The following ACACA variants were observed in gnomAD, a reference collection of about 807,000 sequenced individuals.
ACACA encodes acetyl-CoA carboxylase alpha, also known as acetyl-CoA carboxylase 1.
In ACACA, 103 loss-of-function variants were observed where a neutral mutation model predicts 296.1. The observed-to-expected ratio is 0.35, with a 90% CI of 0.30 to 0.41. The LOEUF (loss-of-function observed/expected upper bound fraction) is 0.41. Ranked by LOEUF, ACACA falls within the 10% of genes least tolerant of loss-of-function variation. The pLI is 1.00. For synonymous variants in ACACA, 953 were observed against 1,038.6 expected (o/e 0.92, Z 1.58); for missense variants, 1,554 against 2,989.7 (o/e 0.52, Z 11.20).
In ACACA at chr17:37,206,890, C is replaced by A; in HGVS notation, c.3852-11G>T. 2.5e-6 allele frequency: 4 copies of A among 1,602,156 alleles called. No individual in the cohort carries two copies. The highest frequency in any genetic ancestry group is 3.4e-6 in the Non-Finnish European group (4 of 1,169,224). On this transcript the variant is annotated splice_polypyrimidine_tract_variant and intron_variant, in intron 31 of 55. Transcript: ENST00000616317. Reference sequence around the variant, plus strand: ...ACTTCATCAAAGATCCTAAAAAATACAAGAGAAACACCCACCATGAAAACT... The same window carrying A: ...ACTTCATCAAAGATCCTAAAAAATAAAAGAGAAACACCCACCATGAAAACT...
intron 33 of ACACA, among the ~76,000 whole-genome samples, chr17:37,200,799 T>C (rs966869762): frequency 6.6e-6 from 1 of 152,214 alleles, no homozygotes; most frequent in African/African-American, 2.4e-5. Context: ...AATTTCTGCT[T>C]ATAGAAATCA....
intron 1 of ACACA, among the ~76,000 whole-genome samples, chr17:37,359,400 G>C (rs570700629): frequency 9.9e-4 from 150 of 151,970 alleles, no homozygotes; most frequent in African/African-American, 3.1e-3. Flanking sequence ...GGGCCCAGCG[G>C]CTAGAGGGCG....
chr17:37,369,956 T>G (rs1023522356), intron 1 of ACACA, among the ~76,000 whole-genome samples: 3 of 151,598 alleles, frequency 2.0e-5, no homozygotes, highest in African/African-American at 7.3e-5. Flanking sequence ...TCTGCCCTCC[T>G]TGGCCTCCCA....
chr17:37,181,692 G>T (rs1598091133), intron 39 of ACACA, among the ~76,000 whole-genome samples: 1 of 151,968 alleles, frequency 6.6e-6, no homozygotes, highest in Non-Finnish European at 1.5e-5. Context: ...GAGGTCAGGA[G>T]ATCGAGACCA....
chr17:37,134,811 GT>G (rs1177292309), intron 45 of ACACA, among the ~76,000 whole-genome samples: 4 of 152,114 alleles, frequency 2.6e-5, no homozygotes, highest in Admixed American at 2.6e-4. Context: ...TTGAGGAGGG[GT>G]TTTGTAAATT....
chr17:37,146,842 C>G (rs1192910580), intron 45 of ACACA, among the ~76,000 whole-genome samples: 3 of 140,558 alleles, frequency 2.1e-5, no homozygotes, highest in African/African-American at 7.9e-5. Context: ...CCCCCAAAAC[C>G]CCCCAACCCC....
At chr17:37,246,164 C>G (rs1321856245) in intron 19 of ACACA, among the ~76,000 whole-genome samples, 1 of 152,174 alleles carries the variant, frequency 6.6e-6, no homozygotes, top group Admixed American at 6.5e-5. Flanking sequence ...TTAGGTGACC[C>G]TCTGCACTCT....
chr17:37,388,931 T>A (rs192034327), intron 1 of ACACA: 2 of 1,200,538 alleles, frequency 1.7e-6, no homozygotes, highest in Non-Finnish European at 2.3e-6. Context: ...ACTAGCTGAG[T>A]GGTGTTGGGA....
chr17:37,110,260 G>A (rs1205528963), intron 52 of ACACA, among the ~76,000 whole-genome samples: 1 of 152,242 alleles, frequency 6.6e-6, no homozygotes, highest in Non-Finnish European at 1.5e-5. Flanking sequence ...AGTGGCTGAA[G>A]CTTTTAGAGC....
At chr17:37,187,349 G>A (rs1276500491) in intron 39 of ACACA, among the ~76,000 whole-genome samples, 2 of 152,198 alleles carry the variant, frequency 1.3e-5, no homozygotes, top group Non-Finnish European at 2.9e-5. Context: ...AAAAACAAGA[G>A]ACACATAATC....
intron 1 of ACACA, among the ~76,000 whole-genome samples, chr17:37,403,314 A>T (rs1220000396): frequency 6.6e-6 from 1 of 151,782 alleles, no homozygotes; most frequent in African/African-American, 2.4e-5. Flanking sequence ...GTACTGCCTT[A>T]ATCAGTAATC....
chr17:37,114,911 G>A (rs1446345232), intron 50 of ACACA, among the ~76,000 whole-genome samples: 1 of 152,208 alleles, frequency 6.6e-6, no homozygotes, highest in Non-Finnish European at 1.5e-5. Context: ...AATAGAAATT[G>A]CTTTCATTGT....
chr17:37,133,169 T>A (rs909569834), intron 45 of ACACA, among the ~76,000 whole-genome samples: 2 of 152,162 alleles, frequency 1.3e-5, no homozygotes, highest in African/African-American at 4.8e-5. Flanking sequence ...ACCAGCCTTA[T>A]CTTGGGAGAT....
intron 52 of ACACA, among the ~76,000 whole-genome samples, chr17:37,098,617 T>C (rs922667298): frequency 3.3e-5 from 5 of 152,246 alleles, no homozygotes; most frequent in African/African-American, 9.6e-5. Context: ...CCTCACATCT[T>C]GTGTCAGCTC....
At chr17:37,216,189 C>CACGT (rs559609131) in intron 29 of ACACA, among the ~76,000 whole-genome samples, 61 of 141,378 alleles carry the variant, frequency 4.3e-4, no homozygotes, top group African/African-American at 1.5e-3. Flanking sequence ...CATACACACA[C>CACGT]GTGTGTGTGT....
chr17:37,301,557 T>C (rs1771117561), intron 3 of ACACA, among the ~76,000 whole-genome samples: 1 of 152,182 alleles, frequency 6.6e-6, no homozygotes, highest in African/African-American at 2.4e-5. Context: ...CATTGGGTTT[T>C]TACAAGCAGA....
At position 37,252,094 on chromosome 17, in the gene ACACA, G is replaced by A; in HGVS notation, c.1992C>T (p.Asp664=). 6.2e-7 allele frequency: 1 copy of A among 1,614,172 alleles called. No individual in the cohort carries two copies. The highest frequency in any genetic ancestry group is 8.5e-7 in the Non-Finnish European group (1 of 1,180,012). Residue 664 remains aspartate, a synonymous_variant, in exon 16 of 56, where the codon GAC becomes GAT. Coordinates refer to ENST00000616317, the MANE Select transcript of ACACA (RefSeq NM_198834.3). The stretch of plus-strand genomic sequence containing the variant: ...CACCACACACAACCCCCAACATGGT[G>A]TCAGGTCGCTCAGCCTGAAAGGAGG... The part of the protein sequence containing the change: ...IAEKVQAERP[D]TMLGVVCGAL...
At chr17:37,161,423 G>T (rs1224077048) in intron 42 of ACACA, among the ~76,000 whole-genome samples, 1 of 152,178 alleles carries the variant, frequency 6.6e-6, no homozygotes, top group African/African-American at 2.4e-5. Context: ...CAGAAGATGA[G>T]GAGGTAAGGG....
chr17:37,274,988 A>C (rs906507584), intron 8 of ACACA, among the ~76,000 whole-genome samples: 1 of 152,008 alleles, frequency 6.6e-6, no homozygotes, highest in Non-Finnish European at 1.5e-5. Context: ...TTAAGAAAAA[A>C]AAAAAAAGGT....
Sources: gnomAD v4.1 joint callset for allele counts (sites outside exome capture counted in the v4.1 genomes callset) on GRCh38, gnomAD v4.1.1 for gene constraint, MANE v1.5 for transcripts, NCBI Gene and HGNC (gene_info 2026-07-23, HGNC 2026-07-21) for gene names.